The following ODAD4 variants were observed in gnomAD, a reference collection of about 807,000 sequenced individuals.
ODAD4 encodes the protein outer dynein arm docking complex subunit 4.
In ODAD4, 49 loss-of-function variants were observed where a neutral mutation model predicts 51.8. The ratio of observed to expected loss-of-function variants is 0.95; its 90% CI spans 0.75 to 1.20. The LOEUF is 1.20. Among genes scored for constraint, ODAD4 ranks in the 50% most tolerant of loss-of-function variants. The pLI is 0.00. For synonymous variants in ODAD4, 235 were observed against 221.3 expected, an observed-to-expected ratio of 1.06 and a Z score of -0.55; for missense variants, 590 against 586.5, an observed-to-expected ratio of 1.01 and a Z score of -0.06.
chr17:41,940,094 AC>A (rs2050485611), intron 7 of ODAD4, among the ~76,000 whole-genome samples: 1 of 151,932 alleles, frequency 6.6e-6, no homozygotes, highest in Non-Finnish European at 1.5e-5. Context: ...TCCTGGTTCT[AC>A]CCTTTGGAGT....
At chr17:41,946,469 C>T (rs1262584316) in intron 8 of ODAD4, among the ~76,000 whole-genome samples, 1 of 151,974 alleles carries the variant, frequency 6.6e-6, no homozygotes, top group African/African-American at 2.4e-5. Context: ...GCACTACAGG[C>T]GCCCGCCACC....
At chr17:41,944,494 A>C (rs1005680819) in intron 7 of ODAD4, among the ~76,000 whole-genome samples, 2 of 150,516 alleles carry the variant, frequency 1.3e-5, no homozygotes, top group East Asian at 3.9e-4. Flanking sequence ...GATAACATTT[A>C]GATTATTTTT....
chr17:41,935,815 G>A (rs1011628023), intron 3 of ODAD4, 66 bp downstream of exon 3: 3 of 1,585,070 alleles, frequency 1.9e-6, no homozygotes, highest in Non-Finnish European at 8.6e-7. Flanking sequence ...TTTAGAGGAA[G>A]GTTGAGTCAC....
intron 9 of ODAD4, among the ~76,000 whole-genome samples, chr17:41,949,625 C>T (rs1257643307): frequency 3.3e-5 from 5 of 152,132 alleles, no homozygotes; most frequent in Admixed American, 2.0e-4. Context: ...ACAACAGTGC[C>T]CATGTATTGA....
intron 11 of ODAD4, among the ~76,000 whole-genome samples, chr17:41,962,355 T>C (rs897964277): frequency 6.6e-6 from 1 of 152,300 alleles, no homozygotes; most frequent in East Asian, 1.9e-4. Flanking sequence ...ACATTCTTTC[T>C]CACAAGGTCT....
At chr17:41,932,894 C>T (rs1162815259) in intron 1 of ODAD4, among the ~76,000 whole-genome samples, 1 of 152,040 alleles carries the variant, frequency 6.6e-6, no homozygotes, top group Non-Finnish European at 1.5e-5. Context: ...TTCTTTTGCT[C>T]CAAATTGCCC....
chr17:41,944,849 C>G (rs112885361), intron 7 of ODAD4, among the ~76,000 whole-genome samples: 1 of 152,138 alleles, frequency 6.6e-6, no homozygotes, highest in Non-Finnish European at 1.5e-5. Context: ...AATGACTGTT[C>G]TTGTCACATT....
chr17:41,962,236 C>T (rs782439712), intron 11 of ODAD4, among the ~76,000 whole-genome samples: 1 of 152,124 alleles, frequency 6.6e-6, no homozygotes, highest in African/African-American at 2.4e-5. Context: ...GGAGGGGTGA[C>T]TCGGGGCCCC....
intron 7 of ODAD4, 142 bp from the exon 8 acceptor site, chr17:41,944,994 C>T: frequency 4.7e-6 from 3 of 635,396 alleles, no homozygotes. Context: ...GTGCCACATC[C>T]TTGCTGGGCT....
intron 9 of ODAD4, among the ~76,000 whole-genome samples, chr17:41,953,049 GTTTTA>G (rs1217496312): frequency 1.3e-5 from 2 of 151,896 alleles, no homozygotes; most frequent in Non-Finnish European, 2.9e-5. Flanking sequence ...GTGTAATGGC[GTTTTA>G]TTTTATTTTA....
chr17:41,949,629 G>A (rs1029328725), intron 9 of ODAD4, among the ~76,000 whole-genome samples: 8 of 152,132 alleles, frequency 5.3e-5, no homozygotes, highest in African/African-American at 1.9e-4. Flanking sequence ...CAGTGCCCAT[G>A]TATTGAGCCA....
intron 9 of ODAD4, among the ~76,000 whole-genome samples, 158 bp downstream of exon 9, chr17:41,949,507 G>A (rs1346295788): frequency 1.3e-5 from 2 of 152,100 alleles, no homozygotes; most frequent in African/African-American, 2.4e-5. Flanking sequence ...ACCAGCACGT[G>A]GTAAGTGCTT....
chr17:41,936,405 A>G (rs782257287), intron 3 of ODAD4, 68 bp from the exon 4 acceptor site: 13 of 1,183,850 alleles, frequency 1.1e-5, no homozygotes, highest in Non-Finnish European at 1.6e-5. Context: ...CCATTTCTAC[A>G]TAAAAATATG....
intron 9 of ODAD4, among the ~76,000 whole-genome samples, chr17:41,953,998 A>AT (rs1757345384): frequency 6.7e-6 from 1 of 148,464 alleles, no homozygotes; most frequent in African/African-American, 2.5e-5. Flanking sequence ...TAATTAATTA[A>AT]TTTTTTTGAG....
Position 41,935,693 on chromosome 17 carries a change from G to T in ODAD4, c.341G>T (p.Arg114Leu). The T allele has an allele frequency of 6.2e-7, 1 of 1,613,862 alleles. No homozygotes were observed. ...CGAGGCTACAAGCTGAGGCCTGATCGGGAATTCAGAGTTGGCATTCAGAAA... is the reference window on the plus strand; with the variant it reads ...CGAGGCTACAAGCTGAGGCCTGATCTGGAATTCAGAGTTGGCATTCAGAAA... ...YHRGYKLRPDREFRVGIQKAQ... is the reference protein window; with the variant it reads ...YHRGYKLRPDLEFRVGIQKAQ... The change falls in exon 3 of 12, where the codon CGG becomes CTG. Residue 114 changes from arginine to leucine, a missense_variant. Physicochemically the swap from Arg to Leu is moderately radical, Grantham distance 102 (BLOSUM62 -2). Coordinates refer to ENST00000377540, the MANE Select transcript of ODAD4 (RefSeq NM_031421.5).
chr17:41,963,423 T>C (rs1190887015), intron 11 of ODAD4, among the ~76,000 whole-genome samples: 1 of 152,166 alleles, frequency 6.6e-6, no homozygotes, highest in Admixed American at 6.5e-5. Context: ...TTTTTCTATA[T>C]TTTCATAGGA....
At chr17:41,935,164 G>C (rs1477027757) in intron 1 of ODAD4, 53 bp from the exon 2 acceptor site, 1 of 1,610,184 alleles carries the variant, frequency 6.2e-7, no homozygotes, top group African/African-American at 1.3e-5. Context: ...TCCCACTCCA[G>C]CTTCTACCTT....
At chr17:41,961,332 A>G in intron 10 of ODAD4, 50 bp from the exon 11 acceptor site, 1 of 715,442 alleles carries the variant, frequency 1.4e-6, no homozygotes, top group Non-Finnish European at 2.6e-6. Flanking sequence ...GGGGAAAATT[A>G]ATGGTGTAGG....
chr17:41,937,265 C>G (rs897523118), intron 5 of ODAD4, among the ~76,000 whole-genome samples: 1 of 152,178 alleles, frequency 6.6e-6, no homozygotes, highest in Admixed American at 6.5e-5. Context: ...CCTTTGCCTT[C>G]AATCCTTACA....
Sources: allele counts gnomAD v4.1 joint callset (sites outside exome capture counted in the v4.1 genomes callset), GRCh38; gene constraint gnomAD v4.1.1; transcripts MANE v1.5; gene names NCBI Gene and HGNC (gene_info 2026-07-23, HGNC 2026-07-21).